The following LRP1B variants were observed in gnomAD, a reference collection of about 807,000 sequenced individuals.
LRP1B encodes LDL receptor related protein 1B.
In LRP1B, 217 loss-of-function variants were observed where a neutral mutation model predicts 556.6. The observed-to-expected ratio is 0.39, with a 90% CI of 0.35 to 0.44. The LOEUF (loss-of-function observed/expected upper bound fraction) is 0.44. LRP1B is among the 20% of genes least tolerant of loss of function. LRP1B has a pLI of 1.00. For missense variants in LRP1B, 5,053 were observed against 5,620.8 expected (o/e 0.90, Z 3.23); for synonymous variants, 2,047 against 1,865.8 (o/e 1.10, Z -2.50).
intron 11 of LRP1B, among the ~76,000 whole-genome samples, chr2:141,047,145 G>T (rs1698898991): frequency 6.6e-6 from 1 of 151,928 alleles, no homozygotes; most frequent in Admixed American, 6.6e-5. Flanking sequence ...TAGACAGAAT[G>T]TGCAATTTCT....
At chr2:140,664,172 T>C (rs1331397318) in intron 41 of LRP1B, among the ~76,000 whole-genome samples, 1 of 152,060 alleles carries the variant, frequency 6.6e-6, no homozygotes, top group East Asian at 1.9e-4. Flanking sequence ...ACAGATATAA[T>C]AATAAGGAAA....
At chr2:140,737,686 C>T (rs1259306965) in intron 35 of LRP1B, among the ~76,000 whole-genome samples, 1 of 152,188 alleles carries the variant, frequency 6.6e-6, no homozygotes, top group Non-Finnish European at 1.5e-5. Context: ...AAACTAAAAA[C>T]TCATCTCAAG....
chr2:141,380,547 A>G (rs764206251), intron 3 of LRP1B, among the ~76,000 whole-genome samples: 4 of 152,186 alleles, frequency 2.6e-5, no homozygotes, highest in Non-Finnish European at 5.9e-5. Flanking sequence ...TGGCTTTTGT[A>G]ACAGCTGTTC....
At position 140,660,757 on chromosome 2, in the gene LRP1B, A is replaced by C. The variant is rs116263663; in HGVS notation, c.6799+39493T>G. 1.2e-3 allele frequency among the ~76,000 whole-genome samples: 188 copies of C among 152,220 alleles called. 1 individual carries two copies. The highest frequency in any genetic ancestry group is 4.2e-3 in the African/African-American group (173 of 41,556). ...CAGCTTTCAAAGAAAGGTACACCAGAGTTAAATATTTGGTAACTGTACATG... is the reference window on the plus strand; with the variant it reads ...CAGCTTTCAAAGAAAGGTACACCAGCGTTAAATATTTGGTAACTGTACATG... On this transcript the variant is annotated intron_variant, in intron 41 of 90. Transcript: ENST00000389484.
chr2:141,173,923 A>G (rs1041816960), intron 7 of LRP1B, among the ~76,000 whole-genome samples: 2 of 152,120 alleles, frequency 1.3e-5, no homozygotes, highest in African/African-American at 4.8e-5. Context: ...AAAATATACT[A>G]TATTATACTA....
At chr2:140,595,110 A>ATATATATATATC (rs1682386294) in intron 43 of LRP1B, among the ~76,000 whole-genome samples, 3 of 59,984 alleles carry the variant, frequency 5.0e-5, no homozygotes, top group African/African-American at 1.8e-4. Flanking sequence ...ATATATATAT[A>ATATATATATATC]TATATATATA....
chr2:140,482,800 C>T (rs1688295040), intron 59 of LRP1B, among the ~76,000 whole-genome samples: 1 of 152,020 alleles, frequency 6.6e-6, no homozygotes, highest in Non-Finnish European at 1.5e-5. Context: ...CAAATTCTTA[C>T]CTTTTCTTCA....
At chr2:140,873,431 G>T (rs1242623841) in intron 25 of LRP1B, among the ~76,000 whole-genome samples, 6 of 152,176 alleles carry the variant, frequency 3.9e-5, no homozygotes, top group Non-Finnish European at 5.9e-5. Context: ...AATTGTCTTT[G>T]TTTCAAAGCT....
At chr2:140,347,305 T>A (rs1033151131) in intron 77 of LRP1B, among the ~76,000 whole-genome samples, 1 of 151,614 alleles carries the variant, frequency 6.6e-6, no homozygotes, top group African/African-American at 2.4e-5. Context: ...GAAAAAAAAA[T>A]CCATTCCTCT....
At chr2:140,405,030 T>C (rs575115436) in intron 66 of LRP1B, among the ~76,000 whole-genome samples, 5 of 152,308 alleles carry the variant, frequency 3.3e-5, no homozygotes, top group African/African-American at 1.2e-4. Flanking sequence ...AAGTGTCTTA[T>C]CAGACCACAG....
At chr2:141,496,955 A>T (rs1194315230) in intron 2 of LRP1B, among the ~76,000 whole-genome samples, 1 of 152,058 alleles carries the variant, frequency 6.6e-6, no homozygotes, top group African/African-American at 2.4e-5. Context: ...ATATGATGTC[A>T]TATCTGACAG....
intron 13 of LRP1B, among the ~76,000 whole-genome samples, chr2:141,014,371 C>T (rs1697842453): frequency 6.6e-6 from 1 of 152,026 alleles, no homozygotes; most frequent in Admixed American, 6.6e-5. Flanking sequence ...TATTCATTTA[C>T]ATTCTAGTTA....
intron 55 of LRP1B, among the ~76,000 whole-genome samples, chr2:140,499,359 T>C (rs1214040768): frequency 2.6e-5 from 4 of 151,880 alleles, no homozygotes; most frequent in Admixed American, 2.0e-4. Context: ...TTTGTTATCA[T>C]AGACATTAAA....
chr2:141,640,009 T>C (rs1369594558), intron 2 of LRP1B, among the ~76,000 whole-genome samples: 1 of 152,190 alleles, frequency 6.6e-6, no homozygotes, highest in Non-Finnish European at 1.5e-5. Context: ...GAAATGATGA[T>C]TCAGCAATAG....
chr2:140,710,223 TA>T (rs200819271), intron 37 of LRP1B, among the ~76,000 whole-genome samples: 7 of 151,542 alleles, frequency 4.6e-5, no homozygotes, highest in African/African-American at 1.7e-4. Context: ...TGGAGAGAAA[TA>T]AAAAAAATCT....
chr2:140,813,981 G>A (rs1041143178), intron 31 of LRP1B, among the ~76,000 whole-genome samples, 175 bp from the exon 32 acceptor site: 1 of 151,896 alleles, frequency 6.6e-6, no homozygotes, highest in African/African-American at 2.4e-5. Flanking sequence ...TTTTTATTTT[G>A]TTAATTTTTT....
intron 41 of LRP1B, among the ~76,000 whole-genome samples, chr2:140,654,130 A>G (rs1371606084): frequency 1.3e-5 from 2 of 152,050 alleles, no homozygotes; most frequent in African/African-American, 4.8e-5. Context: ...TTTTTATAGA[A>G]TTTATAGAAC....
intron 1 of LRP1B, among the ~76,000 whole-genome samples, chr2:141,869,769 CAGAATGCCAGGGA>C (rs1698523831): frequency 1.3e-5 from 2 of 152,196 alleles, no homozygotes; most frequent in East Asian, 3.9e-4. Context: ...AGGTACCTGG[CAGAATGCCAGGGA>C]TAAAATATGT....
At chr2:141,947,632 C>A (rs1198693836) in intron 1 of LRP1B, among the ~76,000 whole-genome samples, 10 of 151,968 alleles carry the variant, frequency 6.6e-5, no homozygotes, top group Admixed American at 6.6e-4. Flanking sequence ...CAGCCTCCAA[C>A]AAATGTACAT....
Sources: allele counts gnomAD v4.1 joint callset (sites outside exome capture counted in the v4.1 genomes callset), GRCh38; gene constraint gnomAD v4.1.1; transcripts MANE v1.5; gene names NCBI Gene and HGNC (gene_info 2026-07-23, HGNC 2026-07-21).